WDR88: variants seen among roughly 807,000 people sequenced by gnomAD.
WDR88 encodes the protein WD repeat-containing protein 88.
In WDR88, 40 loss-of-function variants were observed where a neutral mutation model predicts 46.8. The observed-to-expected ratio is 0.86, with a 90% CI of 0.66 to 1.11. The LOEUF is 1.11. Ranked by LOEUF, WDR88 falls within the 50% of genes most tolerant of loss-of-function variation. The pLI, the probability that WDR88 is intolerant of heterozygous loss-of-function variation, is 0.00. For synonymous variants in WDR88, 235 were observed against 240.7 expected (o/e 0.98, Z 0.22); for missense variants, 562 against 602.4 (o/e 0.93, Z 0.70).
intron 8 of WDR88, 27 bp from the exon 9 acceptor site, chr19:33,164,170 T>TA: frequency 6.2e-7 from 1 of 1,605,472 alleles, no homozygotes; most frequent in East Asian, 2.2e-5. Flanking sequence ...TTCTCCACGT[T>TA]TTCATTAAAA....
At chr19:33,167,324 A>G (rs1166406015) in intron 9 of WDR88, among the ~76,000 whole-genome samples, 1 of 152,180 alleles carries the variant, frequency 6.6e-6, no homozygotes, top group Non-Finnish European at 1.5e-5. Flanking sequence ...CAATCATTTC[A>G]ACTGACACAG....
At chr19:33,169,948 G>T (rs569749514) in intron 9 of WDR88, among the ~76,000 whole-genome samples, 1 of 152,186 alleles carries the variant, frequency 6.6e-6, no homozygotes, top group East Asian at 1.9e-4. Context: ...CACAATCTTG[G>T]CTCACCGCAA....
intron 3 of WDR88, among the ~76,000 whole-genome samples, chr19:33,147,136 C>G (rs1973535244): frequency 6.6e-6 from 1 of 151,508 alleles, no homozygotes; most frequent in African/African-American, 2.4e-5. Context: ...ACTCAGGAGG[C>G]TGAGGTAGGA....
chr19:33,136,544 T>C (rs1271324115), intron 1 of WDR88, among the ~76,000 whole-genome samples: 2 of 152,050 alleles, frequency 1.3e-5, no homozygotes, highest in Non-Finnish European at 2.9e-5. Flanking sequence ...GCTGAGAATC[T>C]TTTCATGTGC....
At chr19:33,173,852 CTTTTTA>C (rs1271584916) in intron 10 of WDR88, among the ~76,000 whole-genome samples, 5 of 152,002 alleles carry the variant, frequency 3.3e-5, no homozygotes, top group African/African-American at 1.2e-4. Flanking sequence ...TTCCTTTTTT[CTTTTTA>C]TTTCTTTTTT....
chr19:33,170,844 AGAGT>A (rs1439031358), intron 9 of WDR88, among the ~76,000 whole-genome samples: 2 of 152,202 alleles, frequency 1.3e-5, no homozygotes, highest in Non-Finnish European at 2.9e-5. Context: ...CCTGGGTGAC[AGAGT>A]AAGACCCTGT....
rs1268685645 is a variant in WDR88 at position 33,174,742 on chromosome 19, G to C, written c.1243-654G>C. 3.0e-6 allele frequency: 3 copies of C among 985,274 alleles called. No individual in the cohort carries two copies. In the African/African-American group the frequency reaches 5.2e-5, roughly 17 times the overall value. The allele number at this position is 985,274 out of a possible 1,614,324, so 61.0% of individuals were successfully genotyped here. The stretch of plus-strand genomic sequence containing the variant: ...TTTACTCGGCACAGAACAATGGATG[G>C]GGCGGGACACTCACCCCCATCCTCC... On this transcript the variant is annotated intron_variant, in intron 10 of 10. Transcript: ENST00000355868.
chr19:33,146,710 G>T (rs1034214037), intron 3 of WDR88, among the ~76,000 whole-genome samples: 1 of 152,040 alleles, frequency 6.6e-6, no homozygotes, highest in Admixed American at 6.6e-5. Flanking sequence ...TAGAGATGAG[G>T]TTTCACCATG....
rs777780809 is a variant in WDR88 at position 33,148,947 on chromosome 19, C to T, written c.679+37C>T. 1.1e-5 allele frequency: 18 copies of T among 1,612,592 alleles called. No individual in the cohort carries two copies. The Admixed American group carries it at 1.5e-4, about 13-fold the overall frequency. ...CGGGCTCCCTGTATCTTCAGTCTGCCATAGGAATAGCCACTTGTCACTGAC... is the reference window on the plus strand; with the variant it reads ...CGGGCTCCCTGTATCTTCAGTCTGCTATAGGAATAGCCACTTGTCACTGAC... On this transcript the variant is annotated intron_variant, in intron 5 of 10. Transcript: ENST00000355868.
At chr19:33,174,139 A>C in intron 10 of WDR88, 1 of 1,535,188 alleles carries the variant, frequency 6.5e-7, no homozygotes, top group Non-Finnish European at 8.7e-7. Flanking sequence ...GGCGCAAGCT[A>C]TCCGCACCCA....
intron 6 of WDR88, among the ~76,000 whole-genome samples, chr19:33,155,334 T>C (rs1315886329): frequency 6.6e-6 from 1 of 152,116 alleles, no homozygotes; most frequent in African/African-American, 2.4e-5. Context: ...AGAGATGGGG[T>C]CTTGCTATGT....
chr19:33,138,746 C>T (rs1267081466), intron 2 of WDR88, among the ~76,000 whole-genome samples: 2 of 145,668 alleles, frequency 1.4e-5, no homozygotes, highest in Non-Finnish European at 3.0e-5. Flanking sequence ...TATAGTGCCA[C>T]GATCTCGGCT....
At position 33,144,443 on chromosome 19, in the gene WDR88, A is replaced by C. The variant is rs1303155749; in HGVS notation, c.388-401A>C. Among the ~76,000 whole-genome samples the C allele has an allele frequency of 2.6e-5, 4 of 152,158 alleles. No individual in the cohort carries two copies. The East Asian group carries it at 7.7e-4, about 29-fold the overall frequency. ...TTGAACTCCTGACCTCAGGTGATCCACCCACCTCGGCCTCCCAAAGTGCTG... is the reference window on the plus strand; with the variant it reads ...TTGAACTCCTGACCTCAGGTGATCCCCCCACCTCGGCCTCCCAAAGTGCTG... On this transcript the variant is annotated intron_variant, in intron 2 of 10. Coordinates refer to ENST00000355868, the MANE Select transcript of WDR88 (RefSeq NM_173479.4).
Position 33,175,506 on chromosome 19 carries a change from TTCA to T in WDR88, c.1356_1358del (p.Ser458del), listed in dbSNP as rs780296405. ...ATACAAGGGGCTTGCCAGCAGATAC[TTCA>T]TCGTCATCATCATCATCGGAAAGGG... On this transcript the variant is annotated inframe_deletion, in exon 11 of 11. Transcript: ENST00000355868. The T allele has an allele frequency of 3.2e-5, 52 of 1,614,106 alleles. No homozygotes were observed. Among genetic ancestry groups the T allele is most frequent in the Non-Finnish European group, 4.2e-5 (49 of 1,180,052 alleles).
intron 4 of WDR88, 79 bp downstream of exon 4, chr19:33,147,787 C>T: frequency 3.0e-6 from 4 of 1,326,298 alleles, no homozygotes; most frequent in Non-Finnish European, 4.3e-6. Flanking sequence ...GGGTTGGACC[C>T]TGGGTAGGGG....
intron 1 of WDR88, among the ~76,000 whole-genome samples, chr19:33,133,159 A>C (rs1173819799): frequency 1.5e-5 from 1 of 64,546 alleles, no homozygotes; most frequent in Non-Finnish European, 3.9e-5. Flanking sequence ...TGTCTCCAGA[A>C]TAAATAAATA....
chr19:33,142,346 A>G (rs1281049727), intron 2 of WDR88, among the ~76,000 whole-genome samples: 7 of 152,070 alleles, frequency 4.6e-5, no homozygotes, highest in Admixed American at 4.6e-4. Context: ...CTAGGAGGGC[A>G]GAGGGAGGGA....
At chr19:33,148,050 G>T (rs13345614) in intron 4 of WDR88, among the ~76,000 whole-genome samples, 1 of 151,754 alleles carries the variant, frequency 6.6e-6, no homozygotes, top group Non-Finnish European at 1.5e-5. Context: ...CAGGCTCCCC[G>T]GTAAGATGTT....
intron 3 of WDR88, among the ~76,000 whole-genome samples, chr19:33,146,221 G>A (rs932368934): frequency 1.1e-4 from 17 of 152,146 alleles, no homozygotes; most frequent in South Asian, 4.1e-4. Flanking sequence ...GCTTGAACTC[G>A]GGAGGTGGAG....
Sources: allele counts gnomAD v4.1 joint callset (sites outside exome capture counted in the v4.1 genomes callset), GRCh38; gene constraint gnomAD v4.1.1; transcripts MANE v1.5; gene names NCBI Gene and HGNC (gene_info 2026-07-23, HGNC 2026-07-21).